The following AIG1 variants were observed in gnomAD, a reference collection of about 807,000 sequenced individuals.
The protein encoded by AIG1 is androgen-induced gene 1 protein.
AIG1 carries 23 observed loss-of-function variants against 31.4 expected under a neutral mutation model. The observed-to-expected ratio is 0.73, with a 90% CI of 0.53 to 1.04. The LOEUF (loss-of-function observed/expected upper bound fraction) is 1.04. AIG1 is among the 50% of genes least tolerant of loss of function. AIG1 has a pLI of 0.00. For synonymous variants in AIG1, 100 were observed against 110.5 expected (o/e 0.90, Z 0.60); for missense variants, 274 against 295.0 (o/e 0.93, Z 0.52).
chr6:143,342,784 T>G (rs965374106), downstream of AIG1: 844 of 808,026 alleles, frequency 1.0e-3, 10 homozygotes, highest in Non-Finnish European at 2.4e-4. Flanking sequence ...CCTTGTATTC[T>G]GTTTGTGGAG....
intron 3 of AIG1, among the ~76,000 whole-genome samples, chr6:143,255,730 G>A (rs1040820994): frequency 6.6e-6 from 1 of 152,126 alleles, no homozygotes; most frequent in African/African-American, 2.4e-5. Context: ...TTTTTCTGGA[G>A]AGAGGGATCA....
Position 143,339,798 on chromosome 6 carries a change from C to T in AIG1, c.*122C>T. 2.4e-6 allele frequency: 2 copies of T among 844,048 alleles called. No homozygotes were observed. The highest frequency in any genetic ancestry group is 3.7e-6 in the Non-Finnish European group (2 of 538,076). 52.3% of individuals were successfully genotyped at this position (844,048 alleles called of 1,614,324 possible). A position where few individuals can be genotyped will look rare whatever the true frequency, so the allele number is the denominator to read the frequency against. The stretch of plus-strand genomic sequence containing the variant: ...TGGTGGCATCAGCACCCCCCTCCCC[C>T]AATGAGGACACCTTTTATATATAAA... On this transcript the variant is annotated 3_prime_UTR_variant, in exon 6 of 6. Transcript: ENST00000357847.
intron 2 of AIG1, among the ~76,000 whole-genome samples, chr6:143,161,468 T>G (rs927249062): frequency 6.6e-6 from 1 of 151,604 alleles, no homozygotes; most frequent in Non-Finnish European, 1.5e-5. Flanking sequence ...ACTTCATGAA[T>G]AGAGATGAAA....
In AIG1 at chr6:143,140,547, T is replaced by C. The variant is rs74523531; in HGVS notation, c.297+3557T>C. On this transcript the variant is annotated intron_variant, in intron 2 of 5. Coordinates refer to ENST00000357847, the MANE Select transcript of AIG1 (RefSeq NM_016108.4). ...TTATGACTTAGGACTTTCTTCCTTATTAAAATGCAAACTCTCCCTGGAGCA... is the reference window on the plus strand; with the variant it reads ...TTATGACTTAGGACTTTCTTCCTTACTAAAATGCAAACTCTCCCTGGAGCA... Among the ~76,000 whole-genome samples, 828 of 152,292 alleles carry C rather than the reference T, an allele frequency of 5.4e-3. 6 individuals carry two copies. The highest frequency in any genetic ancestry group is 8.4e-3 in the Non-Finnish European group (569 of 68,026).
intron 3 of AIG1, among the ~76,000 whole-genome samples, chr6:143,283,340 A>G (rs530792323): frequency 6.6e-6 from 1 of 152,304 alleles, no homozygotes; most frequent in African/African-American, 2.4e-5. Context: ...AAATTCATGC[A>G]CTACTGGTCC....
At chr6:143,257,445 C>T (rs117413265) in intron 3 of AIG1, among the ~76,000 whole-genome samples, 1,598 of 152,264 alleles carry the variant, frequency 0.01, 45 homozygotes, top group East Asian at 0.065. Context: ...TACAAATAAA[C>T]GCTTGTGAAT....
At chr6:143,084,603 T>C in intron 1 of AIG1, among the ~76,000 whole-genome samples, 1 of 152,202 alleles carries the variant, frequency 6.6e-6, no homozygotes, top group East Asian at 1.9e-4. Flanking sequence ...GAAGTTTTTT[T>C]CTAATGTCTG....
Position 143,327,773 on chromosome 6 carries a change from G to A in AIG1, c.516-5509G>A, listed in dbSNP as rs1189176649. ...GTATCAAAGATGACTTGCAATGTTT[G>A]AGTTACAAAACTGAATGAATGATAG... On this transcript the variant is annotated intron_variant, in intron 4 of 5. Transcript: ENST00000357847. The surrounding 1 kb of genome is among the most constrained non-coding windows in gnomAD (Gnocchi z 5.3). 5.9e-6 allele frequency: 1 copy of A among 168,464 alleles called. No individual in the cohort carries two copies. Among genetic ancestry groups the A allele is most frequent in the East Asian group, 1.8e-4 (1 of 5,536 alleles). 10.4% of individuals were successfully genotyped at this position (168,464 alleles called of 1,614,324 possible).
At chr6:143,132,238 T>C (rs1183889262) in intron 1 of AIG1, among the ~76,000 whole-genome samples, 2 of 152,338 alleles carry the variant, frequency 1.3e-5, no homozygotes, top group South Asian at 2.1e-4. Flanking sequence ...GCAATTGTCA[T>C]TGATCTGTAT....
intron 1 of AIG1, among the ~76,000 whole-genome samples, chr6:143,096,698 T>G (rs1255892544): frequency 1.3e-5 from 2 of 152,254 alleles, no homozygotes; most frequent in African/African-American, 4.8e-5. Context: ...CATGCTGATA[T>G]GGATGGCCAA....
At chr6:143,150,736 G>GA (rs1244953395) in intron 2 of AIG1, among the ~76,000 whole-genome samples, 3 of 151,956 alleles carry the variant, frequency 2.0e-5, no homozygotes, top group Admixed American at 2.0e-4. Context: ...GCTCATGGGG[G>GA]AAAAAAATCA....
At chr6:143,305,522 T>C (rs1361929048) in intron 4 of AIG1, among the ~76,000 whole-genome samples, 1 of 152,214 alleles carries the variant, frequency 6.6e-6, no homozygotes, top group African/African-American at 2.4e-5. Context: ...AGTTTCCATG[T>C]AGTTGAGTGA....
intron 4 of AIG1, among the ~76,000 whole-genome samples, chr6:143,318,644 G>A (rs899041115): frequency 1.3e-5 from 2 of 151,434 alleles, no homozygotes; most frequent in African/African-American, 4.8e-5. Context: ...AACTTAAACT[G>A]AAAAGCTTCT....
At chr6:143,179,082 A>G (rs1227569035) in intron 3 of AIG1, among the ~76,000 whole-genome samples, 1 of 152,060 alleles carries the variant, frequency 6.6e-6, no homozygotes, top group Non-Finnish European at 1.5e-5. Context: ...AGTAGAGTAC[A>G]CAAACAAAAG....
At chr6:143,068,550 A>G (rs955977274) in intron 1 of AIG1, among the ~76,000 whole-genome samples, 1 of 152,262 alleles carries the variant, frequency 6.6e-6, no homozygotes, top group Admixed American at 6.5e-5. Context: ...GCATTAGTGC[A>G]CTCACATTGT....
intron 1 of AIG1, among the ~76,000 whole-genome samples, chr6:143,128,784 CTT>C (rs1782926510): frequency 6.6e-6 from 1 of 152,180 alleles, no homozygotes; most frequent in South Asian, 2.1e-4. Context: ...AAATCAAACT[CTT>C]ATAAACTGAC....
chr6:143,209,911 C>T (rs1791451635), intron 3 of AIG1, among the ~76,000 whole-genome samples: 1 of 152,198 alleles, frequency 6.6e-6, no homozygotes, highest in Admixed American at 6.5e-5. Context: ...GCCTTCCTTG[C>T]CTGTCGTGTT....
At chr6:143,230,751 G>A (rs370323584) in intron 3 of AIG1, among the ~76,000 whole-genome samples, 7 of 152,114 alleles carry the variant, frequency 4.6e-5, no homozygotes, top group African/African-American at 1.4e-4. Flanking sequence ...TACTATAATA[G>A]CATAAGTTGT....
intron 3 of AIG1, among the ~76,000 whole-genome samples, chr6:143,217,349 AT>A (rs1227850581): frequency 6.6e-6 from 1 of 152,218 alleles, no homozygotes; most frequent in Non-Finnish European, 1.5e-5. Context: ...CAGTCATTAA[AT>A]TGTGATTATA....
Sources: allele counts gnomAD v4.1 joint callset (sites outside exome capture counted in the v4.1 genomes callset), GRCh38; gene constraint gnomAD v4.1.1; non-coding constraint Gnocchi (gnomAD v3.1); transcripts MANE v1.5; gene names NCBI Gene and HGNC (gene_info 2026-07-23, HGNC 2026-07-21).